Variants in DENND1A observed in about 807,000 individuals in gnomAD.
DENND1A encodes DENN domain containing 1A, also known as DENN domain-containing protein 1A.
In DENND1A, 51 loss-of-function variants were observed where a neutral mutation model predicts 113.7. That is an observed-to-expected ratio of 0.45 (90% CI 0.36 to 0.57). The LOEUF (loss-of-function observed/expected upper bound fraction) is 0.57. Ranked by LOEUF, DENND1A falls within the 20% of genes least tolerant of loss-of-function variation. The probability of loss-of-function intolerance (pLI) is 0.00; values close to 1 mark genes in which losing one functional copy is unlikely to be tolerated. For missense variants in DENND1A, 1,258 were observed against 1,395.9 expected (o/e 0.90, Z 1.57); for synonymous variants, 565 against 570.8 (o/e 0.99, Z 0.14).
In DENND1A at chr9:123,740,034, T is replaced by C. The variant is rs1463785899; in HGVS notation, c.302+17669A>G. The stretch of plus-strand genomic sequence containing the variant: ...GACCACATGGATGTATCAGCTTACA[T>C]TGGGGAGAGTTTTAGAATTAATTCT... On this transcript the variant is annotated intron_variant, in intron 5 of 23. Transcript: ENST00000394215. Among the ~76,000 whole-genome samples, 27 of 152,174 alleles carry C rather than the reference T, an allele frequency of 1.8e-4. 1 individual carries two copies. The highest frequency in any genetic ancestry group is 1.7e-3 in the Admixed American group (26 of 15,280).
At chr9:123,601,221 T>C (rs1445356508) in intron 11 of DENND1A, among the ~76,000 whole-genome samples, 2 of 152,236 alleles carry the variant, frequency 1.3e-5, no homozygotes, top group African/African-American at 4.8e-5. Context: ...ATTTCCATCA[T>C]GACTAGTTAG....
At chr9:123,530,320 T>C (rs2055194898) in intron 13 of DENND1A, among the ~76,000 whole-genome samples, 1 of 152,078 alleles carries the variant, frequency 6.6e-6, no homozygotes, top group African/African-American at 2.4e-5. Context: ...AGAGAAAAGA[T>C]GGATTTTTCA....
intron 8 of DENND1A, among the ~76,000 whole-genome samples, chr9:123,659,190 C>T (rs993020448): frequency 6.6e-6 from 1 of 152,222 alleles, no homozygotes; most frequent in African/African-American, 2.4e-5. Context: ...ACAGGATTAT[C>T]TGGTGATAGA....
chr9:123,383,946 C>T (rs1408795238), intron 22 of DENND1A, 33 bp from the exon 23 acceptor site: 1 of 1,586,928 alleles, frequency 6.3e-7, no homozygotes, highest in Non-Finnish European at 8.6e-7. Flanking sequence ...CACTCTCCCA[C>T]CCAGGCCTTC....
At chr9:123,679,983 G>A (rs1382325029) in intron 5 of DENND1A, among the ~76,000 whole-genome samples, 1 of 152,072 alleles carries the variant, frequency 6.6e-6, no homozygotes, top group African/African-American at 2.4e-5. Flanking sequence ...CCAAGGCTGT[G>A]GCACAAAGGG....
chr9:123,696,510 A>G (rs10760297), intron 5 of DENND1A, among the ~76,000 whole-genome samples: 41,519 of 152,084 alleles, frequency 0.27, 6,694 homozygotes, highest in African/African-American at 0.45. Flanking sequence ...TGAACACTGA[A>G]TAGAATAAAG....
chr9:123,414,326 G>A, intron 19 of DENND1A: 1 of 1,409,426 alleles, frequency 7.1e-7, no homozygotes, highest in East Asian at 2.6e-5. Context: ...ATTACCATCA[G>A]CAGGTTTCCC....
At chr9:123,653,615 G>A (rs934128493) in intron 8 of DENND1A, among the ~76,000 whole-genome samples, 3 of 152,162 alleles carry the variant, frequency 2.0e-5, no homozygotes, top group African/African-American at 7.2e-5. Flanking sequence ...CAAAGGTCAC[G>A]CAGTAAGTGG....
At chr9:123,812,965 T>G (rs2132476661) in intron 2 of DENND1A, among the ~76,000 whole-genome samples, 1 of 152,246 alleles carries the variant, frequency 6.6e-6, no homozygotes, top group Non-Finnish European at 1.5e-5. Context: ...TTCTTTGTGG[T>G]TTTTGGAAAG....
intron 13 of DENND1A, among the ~76,000 whole-genome samples, chr9:123,523,818 C>T (rs191557663): frequency 1.1e-4 from 17 of 152,316 alleles, no homozygotes; most frequent in South Asian, 4.1e-4. Flanking sequence ...GAAAGCACCT[C>T]GGTCTGCTCT....
At chr9:123,614,655 G>A (rs552626534) in intron 10 of DENND1A, among the ~76,000 whole-genome samples, 3 of 152,068 alleles carry the variant, frequency 2.0e-5, no homozygotes, top group South Asian at 2.1e-4. Context: ...AGGGAGAGGC[G>A]GTCCCTCCAC....
chr9:123,644,651 T>C (rs2062214989), intron 9 of DENND1A, among the ~76,000 whole-genome samples: 1 of 152,214 alleles, frequency 6.6e-6, no homozygotes, highest in African/African-American at 2.4e-5. Flanking sequence ...TTCCCAGGCA[T>C]GCACTTCGAA....
chr9:123,670,541 T>C (rs1038026495), intron 7 of DENND1A, among the ~76,000 whole-genome samples: 3 of 152,110 alleles, frequency 2.0e-5, no homozygotes, highest in Non-Finnish European at 4.4e-5. Context: ...GGCAAGACAA[T>C]GACTAGGATG....
intron 3 of DENND1A, among the ~76,000 whole-genome samples, chr9:123,788,540 T>G (rs1290126535): frequency 6.6e-6 from 1 of 152,078 alleles, no homozygotes; most frequent in Non-Finnish European, 1.5e-5. Flanking sequence ...ATGAACACAG[T>G]AAACATAATA....
At chr9:123,513,591 T>C (rs1208248461) in intron 13 of DENND1A, among the ~76,000 whole-genome samples, 1 of 152,236 alleles carries the variant, frequency 6.6e-6, no homozygotes, top group African/African-American at 2.4e-5. Flanking sequence ...ACAATCCATC[T>C]CTTCCTTTCA....
intron 5 of DENND1A, among the ~76,000 whole-genome samples, chr9:123,735,493 T>G (rs1173510957): frequency 6.6e-6 from 1 of 152,200 alleles, no homozygotes; most frequent in Admixed American, 6.5e-5. Context: ...GATGCTCCCA[T>G]GATCTCTGAA....
At chr9:123,401,733 G>A in intron 21 of DENND1A, 1 of 1,604,434 alleles carries the variant, frequency 6.2e-7, no homozygotes, top group Non-Finnish European at 8.5e-7. Flanking sequence ...AGGAAAATGG[G>A]ATTATCAGAC....
chr9:123,693,804 ATATTATTATTATTATTAT>A (rs72061275), intron 5 of DENND1A, among the ~76,000 whole-genome samples: 3 of 140,206 alleles, frequency 2.1e-5, no homozygotes, highest in East Asian at 2.1e-4. Flanking sequence ...TTCATTAGCT[ATATTATTATTATTATTAT>A]TATTATTATT....
At chr9:123,741,716 A>G (rs528664533) in intron 5 of DENND1A, among the ~76,000 whole-genome samples, 5 of 152,314 alleles carry the variant, frequency 3.3e-5, no homozygotes, top group African/African-American at 1.2e-4. Flanking sequence ...AAACTTTGTT[A>G]AATAAAGCTC....
Sources: gnomAD v4.1 joint callset for allele counts (sites outside exome capture counted in the v4.1 genomes callset) on GRCh38, gnomAD v4.1.1 for gene constraint, MANE v1.5 for transcripts, NCBI Gene and HGNC (gene_info 2026-07-23, HGNC 2026-07-21) for gene names.